The following ATP11C variants were observed in gnomAD, a reference collection of about 807,000 sequenced individuals.
ATP11C encodes the protein phospholipid-transporting ATPase IG.
In ATP11C, 36 loss-of-function variants were observed where a neutral mutation model predicts 97.4. That is an observed-to-expected ratio of 0.37 (90% CI 0.28 to 0.49). The LOEUF is 0.49. Among genes scored for constraint, ATP11C ranks in the 20% least tolerant of loss-of-function variants. ATP11C has a pLI of 0.98. For missense variants in ATP11C, 730 were observed against 824.6 expected (o/e 0.89, Z 1.40); for synonymous variants, 275 against 290.9 (o/e 0.95, Z 0.56).
intron 1 of ATP11C, among the ~76,000 whole-genome samples, chrX:139,834,615 A>T (rs939564185): frequency 8.9e-5 from 10 of 112,527 alleles, no homozygotes; most frequent in Non-Finnish European, 1.9e-4. Flanking sequence ...GCATAAAAAG[A>T]AGAGCACGAC....
intron 1 of ATP11C, among the ~76,000 whole-genome samples, chrX:139,840,651 T>C (rs779854631): frequency 1.8e-5 from 2 of 112,122 alleles, no homozygotes; most frequent in South Asian, 3.7e-4. Context: ...CAGAAGGGCC[T>C]ATCATCTGGC....
At chrX:139,848,492 G>GT (rs199816760) in intron 1 of ATP11C, among the ~76,000 whole-genome samples, 3,205 of 99,985 alleles carry the variant, frequency 0.032, 105 homozygotes, top group East Asian at 0.17. Context: ...TCTCTTTTTT[G>GT]TTTTTTTTTT....
chrX:139,794,902 G>A (rs1388221526), intron 12 of ATP11C, among the ~76,000 whole-genome samples: 1 of 111,861 alleles, frequency 8.9e-6, no homozygotes, highest in Admixed American at 9.5e-5. Context: ...CATACAGCCA[G>A]GCACTAAATC....
At chrX:139,865,623 G>A (rs189483465) in intron 1 of ATP11C, among the ~76,000 whole-genome samples, 7 of 110,252 alleles carry the variant, frequency 6.3e-5, no homozygotes, top group East Asian at 2.9e-4. Flanking sequence ...TTAGCCGGGC[G>A]TGGTGGCGTG....
At chrX:139,808,456 A>C (rs2083093934) in intron 5 of ATP11C, among the ~76,000 whole-genome samples, 1 of 112,043 alleles carries the variant, frequency 8.9e-6, no homozygotes, top group Admixed American at 9.5e-5. Flanking sequence ...GAAAACTGAA[A>C]ATAGAAAGAA....
intron 1 of ATP11C, among the ~76,000 whole-genome samples, chrX:139,878,551 AT>A (rs1210998581): frequency 1.8e-5 from 2 of 112,262 alleles, no homozygotes; most frequent in African/African-American, 6.5e-5. Context: ...TTCAAAGAAC[AT>A]TTATTGAGCA....
At chrX:139,815,020 G>A in intron 4 of ATP11C, 35 bp from the exon 5 acceptor site, 1 of 844,894 alleles carries the variant, frequency 1.2e-6, no homozygotes. Context: ...ATTGAGTTCT[G>A]ATAATGAAAT....
intron 19 of ATP11C, 115 bp from the exon 20 acceptor site, chrX:139,768,549 G>A: frequency 2.3e-6 from 1 of 432,670 alleles, no homozygotes; most frequent in Non-Finnish European, 3.5e-6. Flanking sequence ...TCATCAATCT[G>A]GTTCCTCAAC....
At chrX:139,927,831 G>C (rs976701069) in intron 1 of ATP11C, among the ~76,000 whole-genome samples, 4 of 110,851 alleles carry the variant, frequency 3.6e-5, no homozygotes, top group African/African-American at 9.8e-5. Flanking sequence ...TAATGTATAC[G>C]GTATACCCCA....
intron 18 of ATP11C, among the ~76,000 whole-genome samples, chrX:139,780,372 C>A (rs1271232999): frequency 9.0e-6 from 1 of 111,303 alleles, no homozygotes; most frequent in African/African-American, 3.3e-5. Flanking sequence ...GGGTTTTATT[C>A]CTGGGATGCA....
At chrX:139,742,235 C>T (rs1372215268) in intron 26 of ATP11C, among the ~76,000 whole-genome samples, 1 of 111,227 alleles carries the variant, frequency 9.0e-6, no homozygotes, top group East Asian at 2.8e-4. Flanking sequence ...TTGAAATGAG[C>T]ACCCTCCTAA....
chrX:139,885,276 C>A (rs2084622625), intron 1 of ATP11C, among the ~76,000 whole-genome samples: 1 of 110,797 alleles, frequency 9.0e-6, no homozygotes, highest in Admixed American at 9.7e-5. Flanking sequence ...CATTTAAATT[C>A]TGACCGCCCC....
At chrX:139,842,086 C>A (rs1295916151) in intron 1 of ATP11C, among the ~76,000 whole-genome samples, 1 of 112,543 alleles carries the variant, frequency 8.9e-6, no homozygotes, top group Non-Finnish European at 1.9e-5. Flanking sequence ...GGCTGGAGTG[C>A]AGTGGTGCAA....
intron 1 of ATP11C, among the ~76,000 whole-genome samples, chrX:139,842,381 C>A: frequency 8.9e-6 from 1 of 112,450 alleles, no homozygotes; most frequent in Non-Finnish European, 1.9e-5. Flanking sequence ...TCCCCCTTTT[C>A]TTCCACTCTT....
intron 1 of ATP11C, among the ~76,000 whole-genome samples, chrX:139,840,358 T>C: frequency 8.9e-6 from 1 of 112,467 alleles, no homozygotes; most frequent in Non-Finnish European, 1.9e-5. Flanking sequence ...ATGTGACTGG[T>C]TGTTGTGATG....
chrX:139,883,817 C>T lies in ATP11C; in HGVS notation c.27+48199G>A, dbSNP rs149956535. 5.6e-4 allele frequency among the ~76,000 whole-genome samples: 62 copies of T among 111,521 alleles called. No individual in the cohort carries two copies. The East Asian group carries it at 0.014, about 26-fold the overall frequency. On this transcript the variant is annotated intron_variant, in intron 1 of 29. Coordinates refer to ENST00000682941, the MANE Select transcript of ATP11C (RefSeq NM_001353812.2). ...CGAAGATATCAAAACCTAAATATCA[C>T]CCTAACACAAAGACATCCTGGACTT...
At chrX:139,851,993 T>C (rs1370208087) in intron 1 of ATP11C, among the ~76,000 whole-genome samples, 3 of 110,681 alleles carry the variant, frequency 2.7e-5, no homozygotes, top group Admixed American at 1.9e-4. Context: ...TAGATGAGAC[T>C]CTGGGATTTG....
intron 1 of ATP11C, among the ~76,000 whole-genome samples, chrX:139,847,194 G>A (rs749042659): frequency 2.7e-5 from 3 of 110,866 alleles, no homozygotes; most frequent in African/African-American, 6.6e-5. Flanking sequence ...AGACAAGCCT[G>A]GGCAACATAG....
chrX:139,809,370 A>G (rs1035823210), intron 5 of ATP11C, among the ~76,000 whole-genome samples: 1 of 112,466 alleles, frequency 8.9e-6, no homozygotes, highest in Non-Finnish European at 1.9e-5. Context: ...ATGCTATAAC[A>G]TGGATCAACC....
Sources: gnomAD v4.1 joint callset for allele counts (sites outside exome capture counted in the v4.1 genomes callset) on GRCh38, gnomAD v4.1.1 for gene constraint, MANE v1.5 for transcripts, NCBI Gene and HGNC (gene_info 2026-07-23, HGNC 2026-07-21) for gene names.